The following HTATIP2 variants were observed in gnomAD, a reference collection of about 807,000 sequenced individuals.
The protein encoded by HTATIP2 is protein HTATIP2.
HTATIP2 carries 26 observed loss-of-function variants against 24.7 expected under a neutral mutation model. The observed-to-expected ratio is 1.05, with a 90% CI of 0.77 to 1.46. HTATIP2 has a LOEUF of 1.46. Ranked by LOEUF, HTATIP2 falls within the 40% of genes most tolerant of loss-of-function variation. The probability of loss-of-function intolerance (pLI) is 0.00; values close to 1 mark genes in which losing one functional copy is unlikely to be tolerated. For missense variants in HTATIP2, 284 were observed against 289.6 expected, an observed-to-expected ratio of 0.98 and a Z score of 0.14; for synonymous variants, 99 against 113.2, an observed-to-expected ratio of 0.87 and a Z score of 0.79.
At chr11:20,367,018 A>G (rs1202546030) in intron 1 of HTATIP2, among the ~76,000 whole-genome samples, 156 bp from the exon 2 acceptor site, 3 of 152,182 alleles carry the variant, frequency 2.0e-5, no homozygotes, top group Non-Finnish European at 4.4e-5. Flanking sequence ...ACTGAGGTTC[A>G]TTGCTTTTTG....
intron 2 of HTATIP2, among the ~76,000 whole-genome samples, chr11:20,369,848 A>C (rs1196480115): frequency 6.6e-6 from 1 of 152,240 alleles, no homozygotes; most frequent in East Asian, 1.9e-4. Flanking sequence ...GATGTAATCC[A>C]ACCCACAAAA....
chr11:20,367,479 G>A, intron 2 of HTATIP2, 198 bp downstream of exon 2: 1 of 1,461,890 alleles, frequency 6.8e-7, no homozygotes, highest in East Asian at 2.5e-5. Context: ...AGTAATCCTT[G>A]AGTTCAGGCC....
chr11:20,380,099 A>G (rs191935812), intron 3 of HTATIP2, among the ~76,000 whole-genome samples: 10 of 152,344 alleles, frequency 6.6e-5, no homozygotes, highest in Admixed American at 5.2e-4. Context: ...CAGGGTTTTT[A>G]TGGGAGCCAG....
chr11:20,367,430 T>G lies in HTATIP2; in HGVS notation c.303+149T>G, dbSNP rs1325575059. On this transcript the variant is annotated intron_variant, in intron 2 of 4. Transcript: ENST00000451739. ...AGATTCTATATGCTGCACTAACCTT[T>G]GGTATCCTTTTAATAGTACTGATAA... is the stretch of plus-strand genomic sequence containing the variant. 12 of 1,534,906 alleles carry G rather than the reference T, an allele frequency of 7.8e-6. No homozygotes were observed. In the East Asian group the frequency reaches 2.6e-4, roughly 34 times the overall value.
intron 1 of HTATIP2, among the ~76,000 whole-genome samples, chr11:20,365,741 G>T (rs1029710210): frequency 6.6e-6 from 1 of 152,048 alleles, no homozygotes; most frequent in African/African-American, 2.4e-5. Flanking sequence ...GGAGTCCGAG[G>T]CAGGGGATCT....
rs1303244596 is a variant in HTATIP2, at chr11:20,383,495, T to C, written c.*290T>C. On this transcript the variant is annotated 3_prime_UTR_variant, in exon 5 of 5. Coordinates refer to ENST00000451739, the MANE Select transcript of HTATIP2 (RefSeq NM_001098522.2). ...ATCTGTAATTTTCTTTGTTTATACT[T>C]CCCCTGATGCCACTGGTTCCGATGC... 2.9e-6 allele frequency: 1 copy of C among 343,662 alleles called. No homozygotes were observed. Among genetic ancestry groups the C allele is most frequent in the Non-Finnish European group, 5.3e-6 (1 of 188,208 alleles). 21.3% of individuals were successfully genotyped at this position (343,662 alleles called of 1,614,324 possible). A position where few individuals can be genotyped will look rare whatever the true frequency, so the allele number is the denominator to read the frequency against.
chr11:20,379,838 C>T (rs1565184845), intron 3 of HTATIP2, among the ~76,000 whole-genome samples: 1 of 152,190 alleles, frequency 6.6e-6, no homozygotes, highest in African/African-American at 2.4e-5. Context: ...CTCAAAGACA[C>T]CCCCAAGTTT....
intron 2 of HTATIP2, among the ~76,000 whole-genome samples, chr11:20,368,292 A>G (rs534269089): frequency 6.6e-6 from 1 of 152,290 alleles, no homozygotes; most frequent in South Asian, 2.1e-4. Flanking sequence ...CATATAGTGA[A>G]GAACTATTCA....
intron 2 of HTATIP2, among the ~76,000 whole-genome samples, chr11:20,373,262 A>G (rs925401216): frequency 1.3e-5 from 2 of 152,102 alleles, no homozygotes; most frequent in African/African-American, 4.8e-5. Context: ...GGCGGGTGAA[A>G]GGAAGGACGC....
chr11:20,365,540 G>A (rs1044653625), intron 1 of HTATIP2, among the ~76,000 whole-genome samples: 2 of 152,170 alleles, frequency 1.3e-5, no homozygotes, highest in Non-Finnish European at 2.9e-5. Flanking sequence ...ATTCTCGCAG[G>A]TCTGTGTTCA....
chr11:20,370,198 T>C (rs2064756780), intron 2 of HTATIP2, among the ~76,000 whole-genome samples: 1 of 152,216 alleles, frequency 6.6e-6, no homozygotes, highest in East Asian at 1.9e-4. Context: ...GTTTTCTGGG[T>C]ACTGTGGTCC....
chr11:20,376,642 A>C lies in HTATIP2; in HGVS notation c.366A>C (p.Gly122=), dbSNP rs1848451149. 1 of 1,613,952 alleles carries C rather than the reference A, an allele frequency of 6.2e-7. No individual in the cohort carries two copies. The highest frequency in any genetic ancestry group is 8.5e-7 in the Non-Finnish European group (1 of 1,179,842). ...AGTCTGCAGAGCTGGCAAAAGCTGG[A>C]GGGTGCAAACATTTCAACTTGCTAT... ...VLKSAELAKA[G]GCKHFNLLSS... is the part of the protein sequence containing the mutation. The change falls in exon 3 of 5, where the codon GGA becomes GGC. Residue 122 remains glycine (G), a synonymous_variant. Coordinates refer to ENST00000451739, the MANE Select transcript of HTATIP2 (RefSeq NM_001098522.2).
intron 2 of HTATIP2, among the ~76,000 whole-genome samples, chr11:20,373,627 A>T (rs544842110): frequency 1.6e-4 from 25 of 152,332 alleles, no homozygotes; most frequent in African/African-American, 6.0e-4. Context: ...AAAAAAACTG[A>T]ATTTATTTCA....
intron 2 of HTATIP2, among the ~76,000 whole-genome samples, chr11:20,368,662 G>A (rs751913597): frequency 1.3e-5 from 2 of 152,360 alleles, no homozygotes; most frequent in Non-Finnish European, 1.5e-5. Flanking sequence ...ACCTGGTTTT[G>A]GTGGTGAGTC....
chr11:20,380,671 CAAAAA>C (rs35392320), intron 3 of HTATIP2, among the ~76,000 whole-genome samples: 1 of 81,882 alleles, frequency 1.2e-5, no homozygotes, highest in African/African-American at 4.8e-5. Flanking sequence ...GACTCCATCT[CAAAAA>C]AAAAAAAAAA....
chr11:20,375,945 T>C (rs1848437668), intron 2 of HTATIP2: 1 of 152,348 alleles, frequency 6.6e-6, no homozygotes, highest in African/African-American at 2.4e-5. Flanking sequence ...ATCTACCATA[T>C]GCTGGACATG....
At position 20,367,632 on chromosome 11, in the gene HTATIP2, T is replaced by C. The variant is rs114226297; in HGVS notation, c.303+351T>C. ...TGTTAACAATCAGCTGTTTTTCCCCTTAATAAATGTTTGAAATTTGAAATG... is the reference window on the plus strand; with the variant it reads ...TGTTAACAATCAGCTGTTTTTCCCCCTAATAAATGTTTGAAATTTGAAATG... On this transcript the variant is annotated intron_variant, in intron 2 of 4. Transcript: ENST00000451739. The C allele has an allele frequency of 4.0e-4, 502 of 1,256,278 alleles. 2 individuals carry two copies. In the African/African-American group the frequency reaches 6.8e-3, roughly 17 times the overall value. The allele number at this position is 1,256,278 out of a possible 1,614,324, so 77.8% of individuals were successfully genotyped here. A position where few individuals can be genotyped will look rare whatever the true frequency, so the allele number is the denominator to read the frequency against.
At chr11:20,371,618 A>G (rs957136755) in intron 2 of HTATIP2, among the ~76,000 whole-genome samples, 1 of 151,082 alleles carries the variant, frequency 6.6e-6, no homozygotes, top group African/African-American at 2.4e-5. Flanking sequence ...TTTTTTTTGT[A>G]GAGACAGGGT....
chr11:20,383,191 T>C lies in HTATIP2; in HGVS notation c.715T>C (p.Ser239Pro). The C allele has an allele frequency of 6.2e-7, 1 of 1,613,124 alleles. No homozygotes were observed. The highest frequency in any genetic ancestry group is 8.5e-7 in the Non-Finnish European group (1 of 1,179,384). Reference sequence around the variant, plus strand: ...CCATGACCTGGGGAAAGCGCATGGCTCTCTCAAGCCATGACCACATTGGAG... The same window carrying C: ...CCATGACCTGGGGAAAGCGCATGGCCCTCTCAAGCCATGACCACATTGGAG... Reference protein sequence around the residue: ...AIHDLGKAHGSLKP With the variant: ...AIHDLGKAHGPLKP The change falls in exon 5 of 5, where the codon TCT becomes CCT. Residue 239 changes from serine to proline, a missense_variant. Coordinates refer to ENST00000451739, the MANE Select transcript of HTATIP2 (RefSeq NM_001098522.2).
Sources: gnomAD v4.1 joint callset for allele counts (sites outside exome capture counted in the v4.1 genomes callset) on GRCh38, gnomAD v4.1.1 for gene constraint, MANE v1.5 for transcripts, NCBI Gene and HGNC (gene_info 2026-07-23, HGNC 2026-07-21) for gene names.